ALS2: variants seen among roughly 807,000 people sequenced by gnomAD.
ALS2 encodes the protein alsin Rho guanine nucleotide exchange factor ALS2, also known as alsin.
ALS2 carries 117 observed loss-of-function variants against 203.4 expected under a neutral mutation model. The observed-to-expected ratio is 0.58, with a 90% CI of 0.50 to 0.67. The LOEUF (loss-of-function observed/expected upper bound fraction) is 0.67. ALS2 is among the 30% of genes least tolerant of loss of function. The pLI is 0.00. For synonymous variants in ALS2, 718 were observed against 725.9 expected, an observed-to-expected ratio of 0.99 and a Z score of 0.17; for missense variants, 1,715 against 1,989.4, an observed-to-expected ratio of 0.86 and a Z score of 2.62.
At chr2:201,723,961 A>G (rs1690985984) in intron 21 of ALS2, among the ~76,000 whole-genome samples, 1 of 152,060 alleles carries the variant, frequency 6.6e-6, no homozygotes, top group African/African-American at 2.4e-5. Flanking sequence ...TACCAAAAAT[A>G]CAAAAAATTA....
In ALS2 at chr2:201,729,219, A is replaced by G. The variant is rs751641479; in HGVS notation, c.2581-36T>C. On this transcript the variant is annotated intron_variant, in intron 13 of 33. Transcript: ENST00000264276. Reference sequence around the variant, plus strand: ...AAAATTAAAGAGGAAAAAAAAAAAAAGAACATAAAACCATTATGCAGAATC... The same window carrying G: ...AAAATTAAAGAGGAAAAAAAAAAAAGGAACATAAAACCATTATGCAGAATC... 17 of 1,591,048 alleles carry G rather than the reference A, an allele frequency of 1.1e-5. No homozygotes were observed. The Admixed American group carries it at 2.6e-4, about 24-fold the overall frequency.
intron 27 of ALS2, 92 bp downstream of exon 27, chr2:201,709,789 C>G (rs1315764217): frequency 6.6e-7 from 1 of 1,509,602 alleles, no homozygotes; most frequent in Non-Finnish European, 9.1e-7. Flanking sequence ...TGGCATAAAA[C>G]TATTTTCTTG....
chr2:201,737,592 A>C (rs1265417950), intron 12 of ALS2, among the ~76,000 whole-genome samples: 1 of 152,180 alleles, frequency 6.6e-6, no homozygotes, highest in Non-Finnish European at 1.5e-5. Flanking sequence ...ATGAGATGAG[A>C]ATGTTAGCAT....
Position 201,729,091 on chromosome 2 carries a change from G to A in ALS2, c.2673C>T (p.Tyr891=). 1 of 1,613,978 alleles carries A rather than the reference G, an allele frequency of 6.2e-7. No individual in the cohort carries two copies. Among genetic ancestry groups the A allele is most frequent in the African/African-American group, 1.3e-5 (1 of 74,986 alleles). The change falls in exon 14 of 34, where the codon TAC becomes TAT. Residue 891 remains tyrosine, a synonymous_variant. Coordinates refer to ENST00000264276, the MANE Select transcript of ALS2 (RefSeq NM_020919.4). Reference sequence around the variant, plus strand: ...GGAAGGTCTTCCAGAAGCCCAGTGTGTATTCTGCTTCCTTCCTTTTCCTGC... The same window carrying A: ...GGAAGGTCTTCCAGAAGCCCAGTGTATATTCTGCTTCCTTCCTTTTCCTGC... ...HLGRKRKEAE[Y]TLGFWKTFPG... is the part of the protein sequence containing the mutation.
intron 1 of ALS2, among the ~76,000 whole-genome samples, chr2:201,774,147 T>C (rs28552773): frequency 0.18 from 26,961 of 152,030 alleles, 2,724 homozygotes; most frequent in East Asian, 0.4. Context: ...AGGGTTTTCT[T>C]TTGCTGGAGG....
rs201238952 is a variant in ALS2 at position 201,759,496 on chromosome 2, T to C, written c.1113+1385A>G. Reference sequence around the variant, plus strand: ...ATTTAATTCAATAGAAACACACACATTGTTACTAGCATAAGTAACAAAAAC... The same window carrying C: ...ATTTAATTCAATAGAAACACACACACTGTTACTAGCATAAGTAACAAAAAC... On this transcript the variant is annotated intron_variant, in intron 4 of 33. Transcript: ENST00000264276. 5 of 967,556 alleles carry C rather than the reference T, an allele frequency of 5.2e-6. No homozygotes were observed. In the East Asian group the frequency reaches 5.7e-4, roughly 111 times the overall value. The allele number at this position is 967,556 out of a possible 1,614,324, so 59.9% of individuals were successfully genotyped here. A position where few individuals can be genotyped will look rare whatever the true frequency, so the allele number is the denominator to read the frequency against.
chr2:201,727,128 G>A, intron 17 of ALS2, 84 bp downstream of exon 17: 1 of 1,279,172 alleles, frequency 7.8e-7, no homozygotes, highest in Non-Finnish European at 1.1e-6. Flanking sequence ...AGTCAAGCAA[G>A]AACAATTTAT....
At chr2:201,746,285 G>A (rs992487897) in intron 9 of ALS2, among the ~76,000 whole-genome samples, 1 of 152,174 alleles carries the variant, frequency 6.6e-6, no homozygotes, top group Admixed American at 6.5e-5. Flanking sequence ...TGCTACAGCA[G>A]TGAATGAGAT....
chr2:201,751,994 T>C (rs897804415), intron 7 of ALS2, among the ~76,000 whole-genome samples: 26 of 152,204 alleles, frequency 1.7e-4, no homozygotes, highest in African/African-American at 6.0e-4. Flanking sequence ...TTCTGTTGCA[T>C]TGATCTGTTT....
chr2:201,775,302 G>C (rs904131883), intron 1 of ALS2, among the ~76,000 whole-genome samples: 3 of 152,078 alleles, frequency 2.0e-5, no homozygotes. Context: ...AGAGTGACAA[G>C]TGATTTGGAT....
chr2:201,737,676 C>A (rs1376388299), intron 12 of ALS2, among the ~76,000 whole-genome samples: 2 of 152,130 alleles, frequency 1.3e-5, no homozygotes, highest in Non-Finnish European at 2.9e-5. Flanking sequence ...AATCCCGGCA[C>A]TTTTGGAGGC....
intron 12 of ALS2, among the ~76,000 whole-genome samples, chr2:201,735,511 T>C (rs1165956595): frequency 6.6e-6 from 1 of 152,232 alleles, no homozygotes; most frequent in Non-Finnish European, 1.5e-5. Context: ...CTAACAGCCA[T>C]GTGGGCAGCC....
intron 4 of ALS2, among the ~76,000 whole-genome samples, chr2:201,758,763 T>C (rs201130532): frequency 0.013 from 1,896 of 148,816 alleles, 35 homozygotes; most frequent in African/African-American, 0.042. Flanking sequence ...TGTGCGCATG[T>C]GTGTGTGTGT....
chr2:201,738,384 A>G (rs1413794827), intron 12 of ALS2, among the ~76,000 whole-genome samples: 1 of 152,212 alleles, frequency 6.6e-6, no homozygotes, highest in Non-Finnish European at 1.5e-5. Flanking sequence ...GATGAAGAAC[A>G]CTAGGCCTAC....
At chr2:201,711,750 A>T (rs1347796776) in intron 25 of ALS2, among the ~76,000 whole-genome samples, 1 of 152,248 alleles carries the variant, frequency 6.6e-6, no homozygotes, top group Non-Finnish European at 1.5e-5. Flanking sequence ...TGAGAAACTG[A>T]AAACTGTGCA....
In ALS2 at chr2:201,707,002, C is replaced by G; in HGVS notation, c.4424G>C (p.Gly1475Ala). ...AGGTAGCAGCACAGGAAGCAATAAT[C>G]CAGAACTCGTTACTACATAACTACA... ...PEPGYVVTSS[G>A]LLLPVLLPRL... is the part of the protein sequence containing the mutation. Residue 1475 changes from glycine (G) to alanine (A), a missense_variant, in exon 29 of 34, where the codon GGA (glycine) becomes GCA (alanine). Around this residue, in one of 3 missense-constraint regions of ALS2, gnomAD observed 1,227 missense variants for 1,413.5 expected, o/e 0.87. Coordinates refer to ENST00000264276, the MANE Select transcript of ALS2 (RefSeq NM_020919.4). The G allele has an allele frequency of 6.2e-7, 1 of 1,613,658 alleles. No individual in the cohort carries two copies. The highest frequency in any genetic ancestry group is 8.5e-7 in the Non-Finnish European group (1 of 1,179,812).
intron 23 of ALS2, among the ~76,000 whole-genome samples, chr2:201,720,595 T>A (rs1690717815): frequency 6.8e-6 from 1 of 147,770 alleles, no homozygotes; most frequent in South Asian, 2.2e-4. Context: ...GTGCCTATAG[T>A]CCCAGTTACT....
Position 201,733,323 on chromosome 2 carries a change from G to A in ALS2, c.2533C>T (p.His845Tyr), listed in dbSNP as rs1181142256. Residue 845 changes from histidine (H) to tyrosine (Y), a missense_variant, in exon 13 of 34, where the codon CAT (histidine) becomes TAT (tyrosine). Transcript: ENST00000264276. ...TTTAGCAAAACTTTTGCGTAATTAT[G>A]AAGTCGTCTGATTGGCAAGAAAAAC... Reference protein sequence around the residue: ...TLFFLPIRRLHNYAKVLLKLA... With the variant: ...TLFFLPIRRLYNYAKVLLKLA... 1 of 1,613,840 alleles carries A rather than the reference G, an allele frequency of 6.2e-7. No individual in the cohort carries two copies. The highest frequency in any genetic ancestry group is 1.1e-5 in the South Asian group (1 of 91,064).
At position 201,733,451 on chromosome 2, in the gene ALS2, GA is replaced by G. The variant is rs202183857; in HGVS notation, c.2418-14del. 1.4e-4 allele frequency: 228 copies of G among 1,606,042 alleles called. 1 individual carries two copies. In the East Asian group the frequency reaches 3.5e-3, roughly 24 times the overall value. On this transcript the variant is annotated splice_polypyrimidine_tract_variant and intron_variant, in intron 12 of 33. Coordinates refer to ENST00000264276, the MANE Select transcript of ALS2 (RefSeq NM_020919.4). Reference sequence around the variant, plus strand: ...ATTTAGGAAATCACTAGAGGCAGAGGAAAAAAAAATTTAGTTAATCATTTTG... The same window carrying G: ...ATTTAGGAAATCACTAGAGGCAGAGGAAAAAAAATTTAGTTAATCATTTTG...
Sources: gnomAD v4.1 joint callset for allele counts (sites outside exome capture counted in the v4.1 genomes callset) on GRCh38, gnomAD v4.1.1 for gene constraint, gnomAD v4.1.1 regional missense constraint, MANE v1.5 for transcripts, NCBI Gene and HGNC (gene_info 2026-07-23, HGNC 2026-07-21) for gene names.